RELCH: variants seen among roughly 807,000 people sequenced by gnomAD.
RELCH encodes the protein RAB11 binding and LisH domain, coiled-coil and HEAT repeat containing.
In RELCH, 41 loss-of-function variants were observed where a neutral mutation model predicts 150.3. That is an observed-to-expected ratio of 0.27 (90% CI 0.21 to 0.35). RELCH has a LOEUF of 0.35. Ranked by LOEUF, RELCH falls within the 10% of genes least tolerant of loss-of-function variation. The pLI, the probability that RELCH is intolerant of heterozygous loss-of-function variation, is 1.00. For missense variants in RELCH, 1,092 were observed against 1,467.8 expected (o/e 0.74, Z 4.18); for synonymous variants, 478 against 531.8 (o/e 0.90, Z 1.39).
At chr18:62,252,814 A>G (rs1224387199) in intron 12 of RELCH, 60 bp downstream of exon 12, 4 of 1,266,982 alleles carry the variant, frequency 3.2e-6, no homozygotes, top group Admixed American at 1.8e-5. Context: ...AAGAAGATAC[A>G]TAGTTTCCTT....
At chr18:62,226,149 G>T (rs1272746994) in intron 5 of RELCH, among the ~76,000 whole-genome samples, 1 of 151,876 alleles carries the variant, frequency 6.6e-6, no homozygotes, top group East Asian at 1.9e-4. Context: ...TTTCTTAGAG[G>T]TTCTCATAGG....
Position 62,280,534 on chromosome 18 carries a change from A to G in RELCH, c.3051-112A>G, listed in dbSNP as rs2044457068. On this transcript the variant is annotated intron_variant, in intron 23 of 28. Coordinates refer to ENST00000644646, the MANE Select transcript of RELCH (RefSeq NM_001346231.2). ...TTTTTTTAAATTTATTTAATTTGTCATTGCTAGAGACTAATACAGTATATT... is the reference window on the plus strand; with the variant it reads ...TTTTTTTAAATTTATTTAATTTGTCGTTGCTAGAGACTAATACAGTATATT... 3.0e-6 allele frequency: 4 copies of G among 1,325,944 alleles called. No individual in the cohort carries two copies. In the Admixed American group the frequency reaches 7.0e-5, roughly 23 times the overall value. 82.1% of individuals were successfully genotyped at this position (1,325,944 alleles called of 1,614,324 possible). A position where few individuals can be genotyped will look rare whatever the true frequency, so the allele number is the denominator to read the frequency against.
Position 62,255,033 on chromosome 18 carries a change from G to T in RELCH, c.1825-374G>T, listed in dbSNP as rs1054835296. Among the ~76,000 whole-genome samples the T allele has an allele frequency of 3.9e-5, 6 of 152,160 alleles. No homozygotes were observed. The East Asian group carries it at 1.2e-3, about 29-fold the overall frequency. On this transcript the variant is annotated intron_variant, in intron 12 of 28. Transcript: ENST00000644646. ...AGAAGACTGGCACATATTATAGACC[G>T]TATCTATAAGATCCAGAAGCTGAGT...
chr18:62,255,066 G>A (rs1345702679), intron 12 of RELCH, among the ~76,000 whole-genome samples: 1 of 152,056 alleles, frequency 6.6e-6, no homozygotes, highest in Non-Finnish European at 1.5e-5. Flanking sequence ...AGTTTTCCAA[G>A]TTTAAAAATA....
chr18:62,252,565 G>A, intron 11 of RELCH, 99 bp from the exon 12 acceptor site: 1 of 791,922 alleles, frequency 1.3e-6, no homozygotes, highest in South Asian at 1.6e-5. Flanking sequence ...TAAAAATCTT[G>A]TACTCTATGT....
chr18:62,261,415 T>C, intron 15 of RELCH, 96 bp from the exon 16 acceptor site: 1 of 1,155,322 alleles, frequency 8.7e-7, no homozygotes, highest in Non-Finnish European at 1.2e-6. Flanking sequence ...CCTTAAATCT[T>C]TGATTTGCCA....
chr18:62,189,168 G>A (rs1008768242), intron 1 of RELCH, among the ~76,000 whole-genome samples: 1 of 151,280 alleles, frequency 6.6e-6, no homozygotes, highest in Non-Finnish European at 1.5e-5. Context: ...CTTCTTTTTC[G>A]GGAAAAGATT....
At chr18:62,289,289 G>A (rs2044986716) in intron 26 of RELCH, among the ~76,000 whole-genome samples, 1 of 152,176 alleles carries the variant, frequency 6.6e-6, no homozygotes, top group Non-Finnish European at 1.5e-5. Flanking sequence ...AGTCAACAGT[G>A]CTGTGGCCCC....
intron 22 of RELCH, among the ~76,000 whole-genome samples, chr18:62,279,502 G>T (rs2044390110): frequency 1.3e-5 from 2 of 152,146 alleles, no homozygotes; most frequent in South Asian, 4.1e-4. Flanking sequence ...CATTGAAATT[G>T]CTTAGACTCT....
chr18:62,278,870 TA>T (rs1190325842), intron 22 of RELCH, among the ~76,000 whole-genome samples: 7 of 152,294 alleles, frequency 4.6e-5, no homozygotes, highest in African/African-American at 1.7e-4. Flanking sequence ...TATTTGAATT[TA>T]TAAGAAATCT....
intron 10 of RELCH, among the ~76,000 whole-genome samples, chr18:62,240,990 T>C (rs1280744648): frequency 6.6e-6 from 1 of 152,050 alleles, no homozygotes; most frequent in East Asian, 1.9e-4. Flanking sequence ...CCAGGACACA[T>C]AGCCCTCCTG....
chr18:62,196,651 CTA>C (rs2039071504), intron 1 of RELCH, among the ~76,000 whole-genome samples: 2 of 152,140 alleles, frequency 1.3e-5, no homozygotes, highest in African/African-American at 4.8e-5. Flanking sequence ...TTTTTCTTTC[CTA>C]TGTCTTTCCA....
chr18:62,210,321 A>G (rs1333676023), intron 1 of RELCH, among the ~76,000 whole-genome samples: 2 of 152,056 alleles, frequency 1.3e-5, no homozygotes, highest in African/African-American at 2.4e-5. Flanking sequence ...GTGGATTCCA[A>G]TTCTGCATAT....
chr18:62,234,584 C>G lies in RELCH; in HGVS notation c.1620+2157C>G, dbSNP rs2041778438. ...TAAACTGAACTTAGTAATATCTTAG[C>G]TGATTAAATAAAGCATTGGAAACAG... On this transcript the variant is annotated intron_variant, in intron 10 of 28. Transcript: ENST00000644646. Among the ~76,000 whole-genome samples, 2 of 151,710 alleles carry G rather than the reference C, an allele frequency of 1.3e-5. 1 individual carries two copies. The highest frequency in any genetic ancestry group is 4.1e-4 in the South Asian group (2 of 4,828).
At chr18:62,255,675 G>A (rs996623643) in intron 13 of RELCH, among the ~76,000 whole-genome samples, 197 bp downstream of exon 13, 1 of 152,026 alleles carries the variant, frequency 6.6e-6, no homozygotes, top group Non-Finnish European at 1.5e-5. Context: ...ACTGATTTTG[G>A]ATGAGTATAA....
chr18:62,195,707 C>G (rs199736366), intron 1 of RELCH, among the ~76,000 whole-genome samples: 1 of 146,372 alleles, frequency 6.8e-6, no homozygotes, highest in African/African-American at 2.5e-5. Context: ...TTTTTTTTTT[C>G]TTTTTTTTTC....
intron 3 of RELCH, 44 bp from the exon 4 acceptor site, chr18:62,221,175 A>T (rs377605316): frequency 2.8e-5 from 44 of 1,597,110 alleles, no homozygotes; most frequent in Non-Finnish European, 3.4e-5. Flanking sequence ...GAGATATTTT[A>T]AAATGTAAAA....
At chr18:62,246,863 G>A (rs1159314035) in intron 11 of RELCH, 1 of 152,184 alleles carries the variant, frequency 6.6e-6, no homozygotes, top group Non-Finnish European at 1.5e-5. Flanking sequence ...CCTTAAATAT[G>A]TGGTTTTATC....
intron 1 of RELCH, among the ~76,000 whole-genome samples, chr18:62,207,806 C>T (rs990079339): frequency 6.6e-6 from 1 of 152,192 alleles, no homozygotes; most frequent in African/African-American, 2.4e-5. Flanking sequence ...AAACCCTGTA[C>T]CTATTACCAG....
Sources: allele counts gnomAD v4.1 joint callset (sites outside exome capture counted in the v4.1 genomes callset), GRCh38; gene constraint gnomAD v4.1.1; transcripts MANE v1.5; gene names NCBI Gene and HGNC (gene_info 2026-07-23, HGNC 2026-07-21).